Variants in VPS9D1 observed in about 807,000 individuals in gnomAD.
VPS9D1 encodes the protein VPS9 domain containing 1.
VPS9D1 carries 78 observed loss-of-function variants against 75.8 expected under a neutral mutation model. That is an observed-to-expected ratio of 1.03 (90% confidence interval 0.86 to 1.24). VPS9D1 has a LOEUF of 1.24. VPS9D1 is among the 50% of genes most tolerant of loss of function. The pLI is 0.00. For missense variants in VPS9D1, 1,057 were observed against 847.7 expected (o/e 1.25, Z -3.07); for synonymous variants, 481 against 385.6 (o/e 1.25, Z -2.90).
At chr16:89,708,637 C>G (rs1254429394) in intron 13 of VPS9D1, 106 bp from the exon 14 acceptor site, 7 of 1,279,170 alleles carry the variant, frequency 5.5e-6, no homozygotes, top group Non-Finnish European at 7.7e-6. Context: ...ATCTCTGTGC[C>G]CTTCTGCGCA....
Position 89,709,313 on chromosome 16 carries a change from G to A in VPS9D1, c.1511C>T (p.Ala504Val), listed in dbSNP as rs757199023. The A allele has an allele frequency of 2.5e-6, 4 of 1,604,944 alleles. No individual in the cohort carries two copies. In the South Asian group the frequency reaches 4.4e-5, roughly 18 times the overall value. ...LLPQNPEAKG[A>V]TGYPYCAAAQ... ...CGCCGCGCAGTAGGGGTAGCCAGTG[G>A]CCCCCTTGGCCTCAGGGTTCTGGGG... Residue 504 changes from alanine (A) to valine (V), a missense_variant, in exon 12 of 15, where the codon GCC becomes GTC. By Grantham distance (64) the Ala-to-Val change is moderately conservative. Transcript: ENST00000389386.
intron 9 of VPS9D1, 63 bp downstream of exon 9, chr16:89,711,264 C>A: frequency 4.0e-6 from 6 of 1,515,296 alleles, no homozygotes; most frequent in South Asian, 1.2e-5. Flanking sequence ...CGGCACCTGG[C>A]ACCAGGCAGA....
intron 2 of VPS9D1, chr16:89,717,884 C>G (rs1027756930): frequency 8.9e-6 from 4 of 451,430 alleles, no homozygotes; most frequent in African/African-American, 6.0e-5. Context: ...GATCCCACGT[C>G]CAGGGGCTCC....
Position 89,709,266 on chromosome 16 carries a change from C to G in VPS9D1, c.1558G>C (p.Val520Leu). ...CAAAQELGLL[V>L]LESCPQKKLE... ...TTCTTCTGGGGGCAGCTCTCCAGGA[C>G]CAGCAGTCCGAGCTCCTGGGCCGCC... The change falls in exon 12 of 15, where the codon GTC becomes CTC. Residue 520 changes from valine to leucine, a missense_variant. Physicochemically the swap from Val to Leu is conservative, Grantham distance 32. Coordinates refer to ENST00000389386, the MANE Select transcript of VPS9D1 (RefSeq NM_004913.3). 1 of 1,611,638 alleles carries G rather than the reference C, an allele frequency of 6.2e-7. No individual in the cohort carries two copies. Among genetic ancestry groups the G allele is most frequent in the Non-Finnish European group, 8.5e-7 (1 of 1,179,838 alleles).
At chr16:89,711,218 C>G in intron 9 of VPS9D1, 109 bp downstream of exon 9, 1 of 1,309,156 alleles carries the variant, frequency 7.6e-7, no homozygotes, top group South Asian at 1.3e-5. Flanking sequence ...TCCACGTGGC[C>G]GGGCACAGGC....
At chr16:89,716,857 C>G in intron 2 of VPS9D1, 35 bp from the exon 3 acceptor site, 1 of 1,547,140 alleles carries the variant, frequency 6.5e-7, no homozygotes. Context: ...TCACAGTCGG[C>G]TCTACCACTG....
Position 89,719,100 on chromosome 16 carries a change from C to G in VPS9D1, c.102G>C (p.Glu34Asp), listed in dbSNP as rs749868910. ...IELDTGNRPR[E>D]AYTEYLRSIH... ...TGCTCCTCAGGTATTCCGTGTATGC[C>G]TCCTGTGTCCAGGAAAGAGAAAGAG... The change falls in exon 2 of 15, where the codon GAG becomes GAC. Residue 34 changes from glutamate (E) to aspartate (D), a missense_variant and splice_region_variant. Transcript: ENST00000389386. The G allele has an allele frequency of 1.9e-6, 3 of 1,613,368 alleles. No homozygotes were observed. In the East Asian group the frequency reaches 6.7e-5, roughly 36 times the overall value.
chr16:89,718,925 G>C, intron 2 of VPS9D1, 102 bp downstream of exon 2: 1 of 976,086 alleles, frequency 1.0e-6, no homozygotes, highest in Non-Finnish European at 1.6e-6. Context: ...ATGTTAGCCA[G>C]GATGGTTTCG....
chr16:89,720,106 G>A (rs1038532531), intron 1 of VPS9D1, among the ~76,000 whole-genome samples: 27 of 152,202 alleles, frequency 1.8e-4, no homozygotes, highest in Admixed American at 1.8e-3. Flanking sequence ...ATATAATCCA[G>A]GCAGGATTTC....
chr16:89,714,853 G>T (rs2061024581), intron 4 of VPS9D1, among the ~76,000 whole-genome samples: 1 of 152,056 alleles, frequency 6.6e-6, no homozygotes, highest in African/African-American at 2.4e-5. Flanking sequence ...TCCTGCCTCA[G>T]CCTCCCAAGT....
intron 8 of VPS9D1, 23 bp from the exon 9 acceptor site, chr16:89,711,435 G>C: frequency 6.3e-7 from 1 of 1,587,282 alleles, no homozygotes; most frequent in African/African-American, 1.3e-5. Context: ...GGGCCTTGAA[G>C]GAAAGCACGG....
At chr16:89,708,086 C>T (rs573380514) in intron 14 of VPS9D1, 132 bp from the exon 15 acceptor site, 22 of 862,182 alleles carry the variant, frequency 2.6e-5, no homozygotes, top group Non-Finnish European at 3.2e-5. Flanking sequence ...GCTGTCAGGG[C>T]GGCTGGGCTA....
intron 14 of VPS9D1, 91 bp downstream of exon 14, chr16:89,708,336 C>G (rs1445460384): frequency 5.4e-6 from 7 of 1,286,920 alleles, no homozygotes; most frequent in African/African-American, 2.9e-5. Context: ...CGCTACCCTC[C>G]CCAGCTGCTA....
chr16:89,712,789 C>T, intron 4 of VPS9D1, 73 bp from the exon 5 acceptor site: 2 of 1,330,642 alleles, frequency 1.5e-6, no homozygotes, highest in Non-Finnish European at 2.0e-6. Context: ...GAGTCTCTCT[C>T]ATCCTCCCGG....
In VPS9D1 at chr16:89,719,010, G is replaced by C; in HGVS notation, c.175+17C>G. 6.2e-7 allele frequency: 1 copy of C among 1,609,142 alleles called. No homozygotes were observed. Among genetic ancestry groups the C allele is most frequent in the East Asian group, 2.2e-5 (1 of 44,822 alleles). ...ATTACAGGCGTGAGCCACCGCGCCC[G>C]GCTGGCTGAGCCGTACCTTTAGTGG... On this transcript the variant is annotated intron_variant, in intron 2 of 14. Coordinates refer to ENST00000389386, the MANE Select transcript of VPS9D1 (RefSeq NM_004913.3).
At chr16:89,710,299 C>G (rs1321395369) in intron 10 of VPS9D1, among the ~76,000 whole-genome samples, 2 of 152,100 alleles carry the variant, frequency 1.3e-5, no homozygotes, top group Admixed American at 6.6e-5. Flanking sequence ...TCTTAGAAAA[C>G]TCTGGGCTGG....
Position 89,709,866 on chromosome 16 carries a change from T to G in VPS9D1, c.1299A>C (p.Leu433=). The G allele has an allele frequency of 1.9e-6, 3 of 1,613,506 alleles. No homozygotes were observed. The highest frequency in any genetic ancestry group is 2.5e-6 in the Non-Finnish European group (3 of 1,179,778). Residue 433 remains leucine, a synonymous_variant, in exon 11 of 15, where the codon CTA becomes CTC. Transcript: ENST00000389386. ...AGCGGTCCTTGGAGGCAGCTGTGTTTAGGCCTTCGAAGGCCAGAAGGGTCA... is the reference window on the plus strand; with the variant it reads ...AGCGGTCCTTGGAGGCAGCTGTGTTGAGGCCTTCGAAGGCCAGAAGGGTCA... ...LSLTLLAFEG[L]NTAASKDRCL...
rs2060849259 is a variant in VPS9D1 at position 89,708,858 on chromosome 16, TG to T, written c.1695del (p.Ile566LeufsTer15). The part of the protein sequence containing the change: ...QAGPPPIAAA[A>X]IGADDLLPIL... ...ACACCTCGCCCTCCTGGGACTCACA[TG>T]GCAGCTGCAGCGATGGGCGGGGGCC... is the stretch of plus-strand genomic sequence containing the variant. On this transcript the variant is annotated frameshift_variant and splice_region_variant, in exon 13 of 15. Transcript: ENST00000389386. LOFTEE classifies it high-confidence loss of function. The T allele has an allele frequency of 1.3e-6, 2 of 1,579,558 alleles. No homozygotes were observed. The highest frequency in any genetic ancestry group is 4.5e-5 in the East Asian group (2 of 44,538).
At chr16:89,708,783 G>A (rs994134144) in intron 13 of VPS9D1, 74 bp downstream of exon 13, 2 of 1,408,712 alleles carry the variant, frequency 1.4e-6, no homozygotes, top group African/African-American at 1.5e-5. Context: ...GGGGCAGGAA[G>A]ATAGTCCCTC....
Sources: allele counts gnomAD v4.1 joint callset (sites outside exome capture counted in the v4.1 genomes callset), GRCh38; gene constraint gnomAD v4.1.1; transcripts MANE v1.5; gene names NCBI Gene and HGNC (gene_info 2026-07-23, HGNC 2026-07-21).